The following SOX5 variants were observed in gnomAD, a reference collection of about 807,000 sequenced individuals.
SOX5 encodes SRY-box transcription factor 5.
SOX5 carries 9 observed loss-of-function variants against 92.0 expected under a neutral mutation model. The ratio of observed to expected loss-of-function variants is 0.10; its 90% CI spans 0.06 to 0.17. The LOEUF is 0.17. Ranked by LOEUF, SOX5 falls within the 10% of genes least tolerant of loss-of-function variation. The probability of loss-of-function intolerance (pLI) is 1.00; values close to 1 mark genes in which losing one functional copy is unlikely to be tolerated. For synonymous variants in SOX5, 344 were observed against 336.3 expected (o/e 1.02, Z -0.25); for missense variants, 642 against 944.5 (o/e 0.68, Z 4.20).
At chr12:23,603,768 T>C (rs1464213769) in intron 9 of SOX5, among the ~76,000 whole-genome samples, 1 of 152,102 alleles carries the variant, frequency 6.6e-6, no homozygotes, top group African/African-American at 2.4e-5. Flanking sequence ...AAACCACTTC[T>C]AAATTGCCTT....
chr12:24,217,872 A>G (rs548401563), intron 3 of SOX5, among the ~76,000 whole-genome samples: 9 of 152,216 alleles, frequency 5.9e-5, no homozygotes, highest in Non-Finnish European at 1.3e-4. Context: ...ATGTACAAAG[A>G]TGATGCTCAA....
chr12:24,027,283 T>G (rs1243475388), intron 4 of SOX5, among the ~76,000 whole-genome samples: 1 of 151,912 alleles, frequency 6.6e-6, no homozygotes, highest in African/African-American at 2.4e-5. Context: ...CCATCTGTAT[T>G]AAAAACAACA....
chr12:24,494,168 T>C (rs895241766), intron 1 of SOX5, among the ~76,000 whole-genome samples: 9 of 152,198 alleles, frequency 5.9e-5, no homozygotes, highest in Admixed American at 1.3e-4. Flanking sequence ...ATAGGGTGTC[T>C]AGGTATGGAA....
chr12:23,531,554 AC>A lies in SOX5; in HGVS notation c.*2664del, dbSNP rs1183859307. On this transcript the variant is annotated 3_prime_UTR_variant, in exon 15 of 15. Transcript: ENST00000451604. ...AGTATCCAGCAAACGTGAGAGGTGA[AC>A]CCACATAAATCGGAAGGAATTTGTT... 1 of 152,170 alleles carries A rather than the reference AC, an allele frequency of 6.6e-6. No individual in the cohort carries two copies. The highest frequency in any genetic ancestry group is 1.9e-4 in the East Asian group (1 of 5,200). The allele number at this position is 152,170 out of a possible 1,614,324, so 9.4% of individuals were successfully genotyped here.
At chr12:23,826,211 TC>T (rs1270244312) in intron 3 of SOX5, among the ~76,000 whole-genome samples, 2 of 146,932 alleles carry the variant, frequency 1.4e-5, no homozygotes, top group African/African-American at 2.5e-5. Flanking sequence ...TGTGTGATGT[TC>T]CCCTTCCTGT....
chr12:23,660,418 G>A (rs1593042601), intron 7 of SOX5, among the ~76,000 whole-genome samples: 2 of 152,058 alleles, frequency 1.3e-5, no homozygotes, highest in African/African-American at 2.4e-5. Flanking sequence ...TAGGACAATC[G>A]AAACATCAGA....
intron 4 of SOX5, among the ~76,000 whole-genome samples, chr12:23,992,832 G>A (rs564971429): frequency 6.6e-6 from 1 of 152,116 alleles, no homozygotes; most frequent in Non-Finnish European, 1.5e-5. Context: ...TGAAAATTTG[G>A]TGAGATGGCT....
intron 3 of SOX5, among the ~76,000 whole-genome samples, chr12:23,796,824 A>G (rs983010719): frequency 1.3e-5 from 2 of 149,028 alleles, no homozygotes; most frequent in Non-Finnish European, 3.0e-5. Context: ...GTATATTTAA[A>G]CATTTTTTCA....
At chr12:23,755,615 T>C (rs757497628) in intron 4 of SOX5, 23 bp downstream of exon 4, 1 of 1,534,662 alleles carries the variant, frequency 6.5e-7, no homozygotes, top group Admixed American at 1.9e-5. Flanking sequence ...ACATTTTGGA[T>C]AAAAACAATC....
At chr12:24,172,582 A>T (rs1954329501) in intron 4 of SOX5, among the ~76,000 whole-genome samples, 1 of 152,102 alleles carries the variant, frequency 6.6e-6, no homozygotes, top group Non-Finnish European at 1.5e-5. Context: ...AGAAAAAGGA[A>T]GTTTCAGTTT....
At chr12:24,538,679 C>T (rs969525454) in intron 1 of SOX5, among the ~76,000 whole-genome samples, 1 of 151,740 alleles carries the variant, frequency 6.6e-6, no homozygotes, top group African/African-American at 2.4e-5. Context: ...TTTTCTTCCA[C>T]TTAGAGCCTT....
chr12:24,267,464 A>G (rs1390349335), intron 3 of SOX5, among the ~76,000 whole-genome samples: 2 of 152,220 alleles, frequency 1.3e-5, no homozygotes, highest in African/African-American at 4.8e-5. Flanking sequence ...ATACTTTTAC[A>G]TTCATTTTAA....
chr12:24,318,188 G>A (rs978642726), intron 2 of SOX5, among the ~76,000 whole-genome samples: 16 of 152,056 alleles, frequency 1.1e-4, no homozygotes, highest in African/African-American at 2.2e-4. Flanking sequence ...CAGCCTGGGC[G>A]ACAGAGCAAG....
chr12:23,786,269 T>A (rs541207229), intron 3 of SOX5, among the ~76,000 whole-genome samples: 1 of 152,004 alleles, frequency 6.6e-6, no homozygotes, highest in Non-Finnish European at 1.5e-5. Context: ...ACAAATTTTA[T>A]ATTCTTGGTA....
chr12:24,375,551 A>G (rs1159079938), intron 1 of SOX5, among the ~76,000 whole-genome samples: 1 of 151,692 alleles, frequency 6.6e-6, no homozygotes, highest in Non-Finnish European at 1.5e-5. Context: ...CCTGGCCAAC[A>G]TGGTAAAACC....
intron 4 of SOX5, among the ~76,000 whole-genome samples, chr12:23,979,707 G>GTTGTTGTTTTTT (rs1949333613): frequency 5.2e-5 from 4 of 77,472 alleles, no homozygotes; most frequent in Admixed American, 2.0e-4. Context: ...TGTTTTTTTT[G>GTTGTTGTTTTTT]TTTTTTTTTT....
At chr12:24,518,501 CA>C in intron 1 of SOX5, among the ~76,000 whole-genome samples, 1 of 152,088 alleles carries the variant, frequency 6.6e-6, no homozygotes, top group East Asian at 1.9e-4. Context: ...TTCTTTCCTT[CA>C]GAAAGTACAG....
At chr12:23,546,798 G>C (rs564284471) in intron 11 of SOX5, among the ~76,000 whole-genome samples, 1 of 152,248 alleles carries the variant, frequency 6.6e-6, no homozygotes, top group East Asian at 1.9e-4. Flanking sequence ...GTATAGGAGT[G>C]GCGTGAAGCC....
chr12:24,022,969 T>C (rs1465656847), intron 4 of SOX5, among the ~76,000 whole-genome samples: 1 of 151,900 alleles, frequency 6.6e-6, no homozygotes, highest in African/African-American at 2.4e-5. Context: ...TTATTGCTAT[T>C]GTTTGGGTTG....
Sources: allele counts gnomAD v4.1 joint callset (sites outside exome capture counted in the v4.1 genomes callset), GRCh38; gene constraint gnomAD v4.1.1; transcripts MANE v1.5; gene names NCBI Gene and HGNC (gene_info 2026-07-23, HGNC 2026-07-21).